PAM: variants seen among roughly 807,000 people sequenced by gnomAD.
PAM encodes the protein peptidyl-glycine alpha-amidating monooxygenase.
PAM carries 72 observed loss-of-function variants against 122.1 expected under a neutral mutation model. That is an observed-to-expected ratio of 0.59 (90% CI 0.49 to 0.72). The LOEUF is 0.72. Ranked by LOEUF, PAM falls within the 30% of genes least tolerant of loss-of-function variation. PAM has a pLI of 0.00. For missense variants in PAM, 1,106 were observed against 1,183.7 expected (o/e 0.93, Z 0.96); for synonymous variants, 389 against 404.4 (o/e 0.96, Z 0.46).
At chr5:102,823,823 A>G (rs751480080) in intron 1 of PAM, among the ~76,000 whole-genome samples, 7 of 152,212 alleles carry the variant, frequency 4.6e-5, no homozygotes, top group Non-Finnish European at 8.8e-5. Flanking sequence ...TGTTCACTTC[A>G]TAGAGCAGAG....
intron 12 of PAM, among the ~76,000 whole-genome samples, chr5:102,958,878 A>G (rs1207221104): frequency 1.3e-5 from 2 of 152,060 alleles, no homozygotes; most frequent in Non-Finnish European, 2.9e-5. Flanking sequence ...CAAATAACCT[A>G]CCTCATAGCT....
At chr5:102,946,185 G>A (rs1203361000) in intron 7 of PAM, among the ~76,000 whole-genome samples, 2 of 152,124 alleles carry the variant, frequency 1.3e-5, no homozygotes, top group Non-Finnish European at 2.9e-5. Flanking sequence ...TATAGGAGCA[G>A]CTGTTGATCC....
chr5:102,927,896 ATAATCT>A (rs1181560187), intron 7 of PAM, among the ~76,000 whole-genome samples: 5 of 152,098 alleles, frequency 3.3e-5, no homozygotes, highest in East Asian at 1.9e-4. Context: ...GGAATAGAAC[ATAATCT>A]TAAACTGTTA....
intron 7 of PAM, among the ~76,000 whole-genome samples, chr5:102,941,833 CAAAAAAAAAAA>C (rs70990420): frequency 4.5e-4 from 26 of 58,384 alleles, no homozygotes; most frequent in Admixed American, 3.4e-3. Context: ...CCAGATGGTA[CAAAAAAAAAAA>C]AAAAAAAAAA....
chr5:102,894,484 A>G (rs1795622789), intron 3 of PAM, among the ~76,000 whole-genome samples: 1 of 151,526 alleles, frequency 6.6e-6, no homozygotes, highest in Admixed American at 6.6e-5. Flanking sequence ...GCCAGTTCAC[A>G]GCTCTGTCAC....
chr5:103,017,647 T>C (rs1471681662), intron 22 of PAM, among the ~76,000 whole-genome samples: 1 of 152,220 alleles, frequency 6.6e-6, no homozygotes, highest in African/African-American at 2.4e-5. Context: ...CAGGAAATTC[T>C]TGATGCCTGA....
At chr5:102,855,741 T>A (rs1782464000) in intron 1 of PAM, among the ~76,000 whole-genome samples, 1 of 151,994 alleles carries the variant, frequency 6.6e-6, no homozygotes, top group Non-Finnish European at 1.5e-5. Flanking sequence ...AAACATCTCA[T>A]TAAAAATGTG....
chr5:102,879,076 C>T (rs1482365432), intron 3 of PAM, among the ~76,000 whole-genome samples: 1 of 151,998 alleles, frequency 6.6e-6, no homozygotes, highest in South Asian at 2.1e-4. Context: ...CTACAGGCGC[C>T]TGCCACCACA....
chr5:103,013,063 T>C (rs6873407), intron 21 of PAM, among the ~76,000 whole-genome samples: 1 of 152,174 alleles, frequency 6.6e-6, no homozygotes, highest in East Asian at 1.9e-4. Context: ...TCTGGGTCTT[T>C]TGTGATTTCA....
Position 103,008,605 on chromosome 5 carries a change from A to G in PAM, c.2215+948A>G, listed in dbSNP as rs150294570. ...TACTGTAATATTTATGTTTCTTATA[A>G]GTTGCATATGGCTACTATCTGGACC... On this transcript the variant is annotated intron_variant, in intron 20 of 25. Coordinates refer to ENST00000438793, the MANE Select transcript of PAM (RefSeq NM_001177306.2). Among the ~76,000 whole-genome samples the G allele has an allele frequency of 3.0e-3, 457 of 152,198 alleles. 4 individuals are homozygous for G. Among genetic ancestry groups the G allele is most frequent in the African/African-American group, 0.011 (444 of 41,540 alleles).
intron 3 of PAM, among the ~76,000 whole-genome samples, chr5:102,884,530 A>G (rs1166256536): frequency 6.6e-6 from 1 of 151,986 alleles, no homozygotes; most frequent in African/African-American, 2.4e-5. Flanking sequence ...TGTGGAAGGC[A>G]ACCATGCATA....
chr5:102,918,987 C>G (rs1746421191), intron 5 of PAM, among the ~76,000 whole-genome samples: 1 of 151,890 alleles, frequency 6.6e-6, no homozygotes. Flanking sequence ...CACTTAGGAC[C>G]AACTAATCTT....
chr5:102,943,091 C>A (rs1755826378), intron 7 of PAM, among the ~76,000 whole-genome samples: 1 of 151,960 alleles, frequency 6.6e-6, no homozygotes, highest in South Asian at 2.1e-4. Flanking sequence ...AAGGACTTTC[C>A]CAATTAGTGG....
Position 103,025,257 on chromosome 5 carries a change from C to A in PAM, c.2612C>A (p.Thr871Asn). ...GGAGTGCCTGTTGTTCTCATTACAA[C>A]CCTTCTGGTTATTCCGGTGGTTGTC... is the stretch of plus-strand genomic sequence containing the variant. ...GSGVPVVLIT[T>N]LLVIPVVVLL... Residue 871 changes from threonine (T) to asparagine (N), a missense_variant, in exon 24 of 26, where the codon ACC (threonine) becomes AAC (asparagine). Physicochemically the swap from Thr to Asn is moderately conservative, Grantham distance 65. This residue lies in a region of PAM where 333 missense variants were observed against 335.6 expected (regional missense o/e 0.99). Transcript: ENST00000438793. 1.2e-6 allele frequency: 2 copies of A among 1,613,758 alleles called. No homozygotes were observed. Among genetic ancestry groups the A allele is most frequent in the Non-Finnish European group, 1.7e-6 (2 of 1,179,734 alleles).
intron 1 of PAM, among the ~76,000 whole-genome samples, chr5:102,784,550 C>T (rs1017439282): frequency 6.6e-6 from 1 of 152,206 alleles, no homozygotes; most frequent in African/African-American, 2.4e-5. Flanking sequence ...TGTTCACTTT[C>T]TGAGGACAGG....
At position 103,006,821 on chromosome 5, in the gene PAM, C is replaced by T. The variant is rs758774868; in HGVS notation, c.1824C>T (p.Asn608=). The change falls in exon 19 of 26, where the codon AAC becomes AAT. Residue 608 remains asparagine, a synonymous_variant. Transcript: ENST00000438793. Reference sequence around the variant, plus strand: ...AAAAGGTGTTCAAACTGGATCCAAACAATAAAGAAGGCCCTGTATTAATCC... The same window carrying T: ...AAAAGGTGTTCAAACTGGATCCAAATAATAAAGAAGGCCCTGTATTAATCC... ...ALHQVFKLDP[N]NKEGPVLILG... The T allele has an allele frequency of 3.7e-6, 6 of 1,612,940 alleles. No individual in the cohort carries two copies. The East Asian group carries it at 1.3e-4, about 36-fold the overall frequency.
chr5:102,782,492 G>T (rs1282847819), intron 1 of PAM, among the ~76,000 whole-genome samples: 2 of 152,156 alleles, frequency 1.3e-5, no homozygotes, highest in Non-Finnish European at 2.9e-5. Context: ...CTTGGCTCTT[G>T]TTTTAGAAAG....
chr5:102,987,914 T>C (rs1772458981), intron 15 of PAM, among the ~76,000 whole-genome samples: 1 of 152,202 alleles, frequency 6.6e-6, no homozygotes, highest in African/African-American at 2.4e-5. Flanking sequence ...TGCTCTAAAA[T>C]ATTTCTAAAG....
intron 21 of PAM, 46 bp from the exon 22 acceptor site, chr5:103,017,288 C>G (rs1320199572): frequency 8.7e-7 from 1 of 1,150,804 alleles, no homozygotes; most frequent in Non-Finnish European, 1.3e-6. Flanking sequence ...ATGAAGGATT[C>G]AAGTAAAGGC....
Sources: allele counts gnomAD v4.1 joint callset (sites outside exome capture counted in the v4.1 genomes callset), GRCh38; gene constraint gnomAD v4.1.1; regional missense constraint gnomAD v4.1.1; transcripts MANE v1.5; gene names NCBI Gene and HGNC (gene_info 2026-07-23, HGNC 2026-07-21).